Variants in TXN2 observed in about 807,000 individuals in gnomAD.
The protein encoded by TXN2 is thioredoxin 2.
A neutral mutation model predicts 14.6 loss-of-function variants in TXN2; 12 were observed. The ratio of observed to expected loss-of-function variants is 0.82; its 90% CI spans 0.53 to 1.33. The LOEUF (loss-of-function observed/expected upper bound fraction) is 1.33, where lower values mean the gene tolerates loss of function less well. TXN2 is among the 40% of genes most tolerant of loss of function. TXN2 has a pLI of 0.00. For synonymous variants in TXN2, 89 were observed against 81.0 expected (o/e 1.10, Z -0.53); for missense variants, 173 against 207.7 (o/e 0.83, Z 1.03).
chr22:36,471,388 G>A (rs1284809753), intron 3 of TXN2, among the ~76,000 whole-genome samples: 1 of 152,114 alleles, frequency 6.6e-6, no homozygotes, highest in Admixed American at 6.6e-5. Context: ...TGAGCTCCGT[G>A]TCCTGGTATG....
At position 36,467,900 on chromosome 22, in the gene TXN2, A is replaced by C; in HGVS notation, c.405T>G (p.Thr135=). Residue 135 remains threonine (T), a synonymous_variant, in exon 4 of 4, where the codon ACT becomes ACG. Coordinates refer to ENST00000216185, the MANE Select transcript of TXN2 (RefSeq NM_012473.4). ...CGTCCCCATTCTTCATGGCCAGCAC[A>C]GTGGGCACCGCTGACACCTGGGTGG... ...AIEYEVSAVP[T]VLAMKNGDVV... 1 of 1,614,214 alleles carries C rather than the reference A, an allele frequency of 6.2e-7. No homozygotes were observed. Among genetic ancestry groups the C allele is most frequent in the Non-Finnish European group, 8.5e-7 (1 of 1,180,018 alleles).
intron 3 of TXN2, among the ~76,000 whole-genome samples, chr22:36,471,766 C>T (rs1050592292): frequency 2.3e-4 from 35 of 151,918 alleles, no homozygotes; most frequent in Admixed American, 1.6e-3. Flanking sequence ...GTCAGGAATT[C>T]GAGACAAGGC....
At chr22:36,475,138 G>A (rs545871255) in intron 3 of TXN2, among the ~76,000 whole-genome samples, 1 of 152,376 alleles carries the variant, frequency 6.6e-6, no homozygotes, top group East Asian at 1.9e-4. Context: ...AGCACTTTGG[G>A]AGGCCAAGGC....
Position 36,467,552 on chromosome 22 carries a change from T to C in TXN2, c.*252A>G, listed in dbSNP as rs371093054. ...GCCACACATCCTGGGAGAACTGCCA[T>C]AGGCCCTAGAAGGAGGGATGAAAGG... On this transcript the variant is annotated 3_prime_UTR_variant, in exon 4 of 4. Transcript: ENST00000216185. The C allele has an allele frequency of 1.9e-3, 895 of 469,290 alleles. 13 individuals carry two copies. Among genetic ancestry groups the C allele is most frequent in the South Asian group, 0.019 (870 of 46,244 alleles). The allele number at this position is 469,290 out of a possible 1,614,324, so 29.1% of individuals were successfully genotyped here. A position where few individuals can be genotyped will look rare whatever the true frequency, so the allele number is the denominator to read the frequency against.
chr22:36,473,499 T>G (rs1933324521), intron 3 of TXN2, among the ~76,000 whole-genome samples: 1 of 152,066 alleles, frequency 6.6e-6, no homozygotes, highest in Non-Finnish European at 1.5e-5. Context: ...GCACTGTAGT[T>G]CTCTCAGAGG....
rs8141350 is a variant in TXN2, at chr22:36,474,774, A to G, written c.387+1959T>C. On this transcript the variant is annotated intron_variant, in intron 3 of 3. Transcript: ENST00000216185. ...CGCTACCTTCAGCATGGCTATTCAG[A>G]GACCCTCCCAATCCGGCTGCATTAT... is the stretch of plus-strand genomic sequence containing the variant. Among the ~76,000 whole-genome samples the G allele has an allele frequency of 3.2e-3, 493 of 152,282 alleles. 3 individuals carry two copies. The highest frequency in any genetic ancestry group is 0.011 in the African/African-American group (472 of 41,550).
chr22:36,473,038 G>A (rs1342812338), intron 3 of TXN2, among the ~76,000 whole-genome samples: 2 of 152,046 alleles, frequency 1.3e-5, no homozygotes, highest in Non-Finnish European at 2.9e-5. Context: ...CGGGCGCGGT[G>A]GCTCATGCCT....
chr22:36,473,785 T>C (rs1256725686), intron 3 of TXN2, among the ~76,000 whole-genome samples: 1 of 151,934 alleles, frequency 6.6e-6, no homozygotes, highest in Non-Finnish European at 1.5e-5. Flanking sequence ...ACAGGAGGCA[T>C]CTCCTTCTCA....
chr22:36,473,835 A>T (rs947104046), intron 3 of TXN2, among the ~76,000 whole-genome samples: 1 of 152,194 alleles, frequency 6.6e-6, no homozygotes, highest in Non-Finnish European at 1.5e-5. Flanking sequence ...GCCCACTCCC[A>T]CAACAGCCTC....
Position 36,467,799 on chromosome 22 carries a change from G to A in TXN2, c.*5C>T, listed in dbSNP as rs377414363. The A allele has an allele frequency of 1.2e-5, 20 of 1,611,948 alleles. No homozygotes were observed. Among genetic ancestry groups the A allele is most frequent in the Non-Finnish European group, 1.5e-5 (18 of 1,178,806 alleles). ...GGCAAGGGAACCAGGACTCATCCCT[G>A]CTTGTCAGCCAATCAGCTTCTTCAG... On this transcript the variant is annotated 3_prime_UTR_variant, in exon 4 of 4. Transcript: ENST00000216185.
At chr22:36,475,780 G>A (rs1038312001) in intron 3 of TXN2, among the ~76,000 whole-genome samples, 1 of 152,114 alleles carries the variant, frequency 6.6e-6, no homozygotes, top group East Asian at 1.9e-4. Context: ...GGCACTTGAG[G>A]GACTCTCAAA....
intron 1 of TXN2, 121 bp from the exon 2 acceptor site, chr22:36,480,958 T>TCTTA: frequency 9.0e-7 from 1 of 1,106,846 alleles, no homozygotes; most frequent in Non-Finnish European, 1.2e-6. Context: ...TGCAAGGAAA[T>TCTTA]CATATGTAAG....
intron 1 of TXN2, 162 bp from the exon 2 acceptor site, chr22:36,480,999 G>A: frequency 1.4e-6 from 1 of 730,862 alleles, no homozygotes; most frequent in Non-Finnish European, 2.0e-6. Flanking sequence ...GAAGCAATGA[G>A]AATCAAAGGG....
At chr22:36,479,046 G>A (rs1933444364) in intron 2 of TXN2, among the ~76,000 whole-genome samples, 1 of 152,132 alleles carries the variant, frequency 6.6e-6, no homozygotes, top group South Asian at 2.1e-4. Flanking sequence ...AGGATTGCTT[G>A]AGATCAGGAG....
intron 2 of TXN2, among the ~76,000 whole-genome samples, chr22:36,477,676 C>T (rs571653749): frequency 3.3e-5 from 5 of 152,328 alleles, no homozygotes; most frequent in African/African-American, 1.2e-4. Context: ...GGAGCGTCTA[C>T]AACGCACCAG....
intron 3 of TXN2, 118 bp downstream of exon 3, chr22:36,476,615 C>A: frequency 7.1e-7 from 1 of 1,410,020 alleles, no homozygotes; most frequent in Non-Finnish European, 9.6e-7. Flanking sequence ...TCTGGAAAAA[C>A]CAAGACACCT....
chr22:36,476,622 A>C, intron 3 of TXN2, 111 bp downstream of exon 3: 1 of 1,455,262 alleles, frequency 6.9e-7, no homozygotes, highest in Non-Finnish European at 9.2e-7. Flanking sequence ...AAACCAAGAC[A>C]CCTTGCTTAC....
At chr22:36,468,161 A>C (rs944853536) in intron 3 of TXN2, among the ~76,000 whole-genome samples, 1 of 152,094 alleles carries the variant, frequency 6.6e-6, no homozygotes. Context: ...CCTTAACCAC[A>C]AGACTGACTC....
At position 36,480,822 on chromosome 22, in the gene TXN2, G is replaced by A; in HGVS notation, c.16C>T (p.Leu6Phe). Reference sequence around the variant, plus strand: ...ACAGAGGCCAGGAACCTCCTCAGAAGAAGTCGCTGAGCCATCTGTGAGGGA... The same window carrying A: ...ACAGAGGCCAGGAACCTCCTCAGAAAAAGTCGCTGAGCCATCTGTGAGGGA... MAQRLLLRRFLASVIS... is the reference protein window; with the variant it reads MAQRLFLRRFLASVIS... The change falls in exon 2 of 4, where the codon CTT becomes TTT. Residue 6 changes from leucine to phenylalanine, a missense_variant. Coordinates refer to ENST00000216185, the MANE Select transcript of TXN2 (RefSeq NM_012473.4). The A allele has an allele frequency of 1.3e-6, 2 of 1,581,352 alleles. No individual in the cohort carries two copies. Among genetic ancestry groups the A allele is most frequent in the Non-Finnish European group, 1.7e-6 (2 of 1,162,578 alleles).
Sources: allele counts gnomAD v4.1 joint callset (sites outside exome capture counted in the v4.1 genomes callset), GRCh38; gene constraint gnomAD v4.1.1; transcripts MANE v1.5; gene names NCBI Gene and HGNC (gene_info 2026-07-23, HGNC 2026-07-21).